The following LRRC4C variants were observed in gnomAD, a reference collection of about 807,000 sequenced individuals.
LRRC4C encodes leucine rich repeat containing 4C.
In LRRC4C, 5 loss-of-function variants were observed where a neutral mutation model predicts 33.6. That is an observed-to-expected ratio of 0.15 (90% CI 0.08 to 0.31). LRRC4C has a LOEUF of 0.31. Among genes scored for constraint, LRRC4C ranks in the 10% least tolerant of loss-of-function variants. The pLI is 1.00. For missense variants in LRRC4C, 560 were observed against 796.7 expected (o/e 0.70, Z 3.58); for synonymous variants, 329 against 302.0 (o/e 1.09, Z -0.93).
intron 3 of LRRC4C, among the ~76,000 whole-genome samples, chr11:40,380,958 C>T (rs148039289): frequency 1.4e-4 from 21 of 152,208 alleles, no homozygotes; most frequent in East Asian, 3.9e-4. Context: ...TCCGTGCATG[C>T]GAGTCTCTGT....
At chr11:41,201,921 A>T (rs12222024) in intron 1 of LRRC4C, among the ~76,000 whole-genome samples, 2 of 150,748 alleles carry the variant, frequency 1.3e-5, no homozygotes, top group South Asian at 4.2e-4. Context: ...CACACACACA[A>T]ACACACACAC....
intron 1 of LRRC4C, among the ~76,000 whole-genome samples, chr11:41,255,346 A>T (rs1312626978): frequency 1.3e-5 from 2 of 151,962 alleles, no homozygotes; most frequent in Non-Finnish European, 2.9e-5. Context: ...CAACTAATAA[A>T]AACAAACACA....
At chr11:41,407,831 C>A (rs147008252) in intron 1 of LRRC4C, among the ~76,000 whole-genome samples, 16 of 152,200 alleles carry the variant, frequency 1.1e-4, no homozygotes, top group African/African-American at 3.9e-4. Flanking sequence ...ATGGTGTCAC[C>A]ACACTCTGGT....
chr11:40,615,666 G>C (rs1348268611), intron 3 of LRRC4C, among the ~76,000 whole-genome samples: 1 of 151,678 alleles, frequency 6.6e-6, no homozygotes, highest in Non-Finnish European at 1.5e-5. Context: ...GTGATTGACA[G>C]AATCTATTAA....
chr11:40,460,271 A>G (rs1011435852), intron 3 of LRRC4C, among the ~76,000 whole-genome samples: 4 of 152,150 alleles, frequency 2.6e-5, no homozygotes, highest in African/African-American at 9.7e-5. Flanking sequence ...GTACTACAGA[A>G]CCTAACATTT....
At chr11:40,358,613 TA>T (rs1947793098) in intron 3 of LRRC4C, among the ~76,000 whole-genome samples, 1 of 152,120 alleles carries the variant, frequency 6.6e-6, no homozygotes, top group Non-Finnish European at 1.5e-5. Context: ...CCGTCTCCTA[TA>T]CTAAGCTGCC....
intron 2 of LRRC4C, among the ~76,000 whole-genome samples, chr11:40,674,754 G>A (rs1244406830): frequency 1.3e-5 from 2 of 152,126 alleles, no homozygotes; most frequent in East Asian, 1.9e-4. Context: ...ATAAAATCAA[G>A]CCTCATATGC....
intron 1 of LRRC4C, among the ~76,000 whole-genome samples, chr11:41,119,734 G>C (rs886085362): frequency 6.6e-6 from 1 of 152,118 alleles, no homozygotes; most frequent in African/African-American, 2.4e-5. Context: ...TCCTGTGATG[G>C]CTTTCATGTT....
chr11:40,704,617 A>G (rs1434408381), intron 2 of LRRC4C, among the ~76,000 whole-genome samples: 1 of 152,142 alleles, frequency 6.6e-6, no homozygotes, highest in Non-Finnish European at 1.5e-5. Context: ...GAATAATCCT[A>G]GGCAATAATC....
intron 2 of LRRC4C, among the ~76,000 whole-genome samples, chr11:40,665,345 T>TATAC (rs1943731317): frequency 1.1e-4 from 2 of 18,114 alleles, no homozygotes; most frequent in African/African-American, 1.7e-4. Context: ...TATATATATA[T>TATAC]ATATATATAT....
At chr11:40,720,538 C>G (rs79466850) in intron 2 of LRRC4C, among the ~76,000 whole-genome samples, 24 of 152,254 alleles carry the variant, frequency 1.6e-4, no homozygotes, top group African/African-American at 5.3e-4. Context: ...CCAAGTGAAA[C>G]ATAGTGATTA....
At chr11:40,674,212 G>T (rs1003315131) in intron 2 of LRRC4C, among the ~76,000 whole-genome samples, 1 of 151,942 alleles carries the variant, frequency 6.6e-6, no homozygotes, top group Non-Finnish European at 1.5e-5. Flanking sequence ...TTAATCTAAA[G>T]ATGATGTGAG....
chr11:40,218,638 C>G (rs112553050), intron 5 of LRRC4C, among the ~76,000 whole-genome samples: 2 of 147,544 alleles, frequency 1.4e-5, no homozygotes, highest in African/African-American at 2.6e-5. Context: ...ATGTATGTAT[C>G]TATTTATCTA....
intron 3 of LRRC4C, among the ~76,000 whole-genome samples, chr11:40,480,977 A>T (rs1953528328): frequency 6.6e-6 from 1 of 151,994 alleles, no homozygotes; most frequent in Non-Finnish European, 1.5e-5. Flanking sequence ...TTTCAGTTAT[A>T]AGATGAAGAA....
At chr11:41,028,365 A>C (rs1041492221) in intron 1 of LRRC4C, among the ~76,000 whole-genome samples, 3 of 151,580 alleles carry the variant, frequency 2.0e-5, no homozygotes, top group Non-Finnish European at 3.0e-5. Context: ...GTAAGAATCT[A>C]TGTTTCTTTC....
chr11:41,266,204 G>T (rs1949146881), intron 1 of LRRC4C, among the ~76,000 whole-genome samples: 1 of 152,056 alleles, frequency 6.6e-6, no homozygotes, highest in African/African-American at 2.4e-5. Flanking sequence ...ATGGAAATTT[G>T]ATCAAATAAG....
At chr11:40,461,012 C>T (rs1952370252) in intron 3 of LRRC4C, among the ~76,000 whole-genome samples, 1 of 152,116 alleles carries the variant, frequency 6.6e-6, no homozygotes, top group Non-Finnish European at 1.5e-5. Flanking sequence ...ATGGTAGGTA[C>T]AGCTTTCCAA....
chr11:40,688,360 A>G (rs1945063082), intron 2 of LRRC4C, among the ~76,000 whole-genome samples: 1 of 152,280 alleles, frequency 6.6e-6, no homozygotes, highest in East Asian at 1.9e-4. Context: ...AGGACACAAC[A>G]AACTTCTAAA....
intron 1 of LRRC4C, among the ~76,000 whole-genome samples, chr11:41,002,243 TTA>T (rs1323569067): frequency 6.6e-6 from 1 of 152,186 alleles, no homozygotes; most frequent in African/African-American, 2.4e-5. Flanking sequence ...ATCCATAAAC[TTA>T]TATTGAGAAG....
Sources: gnomAD v4.1 joint callset for allele counts (sites outside exome capture counted in the v4.1 genomes callset) on GRCh38, gnomAD v4.1.1 for gene constraint, MANE v1.5 for transcripts, NCBI Gene and HGNC (gene_info 2026-07-23, HGNC 2026-07-21) for gene names.